The following MACROD2 variants were observed in gnomAD, a reference collection of about 807,000 sequenced individuals.
MACROD2 encodes ADP-ribose glycohydrolase MACROD2.
MACROD2 carries 36 observed loss-of-function variants against 70.4 expected under a neutral mutation model. The observed-to-expected ratio is 0.51, with a 90% CI of 0.39 to 0.68. The LOEUF (loss-of-function observed/expected upper bound fraction) is 0.68. MACROD2 is among the 30% of genes least tolerant of loss of function. MACROD2 has a pLI of 0.00. For missense variants in MACROD2, 496 were observed against 538.4 expected (o/e 0.92, Z 0.78); for synonymous variants, 172 against 178.8 (o/e 0.96, Z 0.30).
In MACROD2 at chr20:14,085,740, A is replaced by AT. The variant is rs767492324; in HGVS notation, c.271+16dup. ...TATAGTCAATGCCGGTGAGTAGTTG[A>AT]TTTTCCTGTGATGTGTTTGTTATGT... On this transcript the variant is annotated intron_variant, in intron 3 of 17. Coordinates refer to ENST00000684519, the MANE Select transcript of MACROD2 (RefSeq NM_001351661.2). The AT allele has an allele frequency of 7.0e-7, 1 of 1,426,470 alleles. No homozygotes were observed. The highest frequency in any genetic ancestry group is 1.4e-5 in the African/African-American group (1 of 69,100). The allele number at this position is 1,426,470 out of a possible 1,614,324, so 88.4% of individuals were successfully genotyped here.
intron 6 of MACROD2, among the ~76,000 whole-genome samples, chr20:15,352,670 C>A (rs1311386124): frequency 2.0e-5 from 3 of 152,056 alleles, no homozygotes; most frequent in Non-Finnish European, 4.4e-5. Flanking sequence ...GATACAAAAT[C>A]AATGTGCAAA....
intron 2 of MACROD2, among the ~76,000 whole-genome samples, chr20:14,018,730 T>G (rs900724054): frequency 2.4e-4 from 37 of 152,350 alleles, no homozygotes; most frequent in Non-Finnish European, 4.0e-4. Flanking sequence ...TAAAGATGAT[T>G]GTTTTAAAGT....
chr20:15,700,149 C>G (rs945305217), intron 8 of MACROD2, among the ~76,000 whole-genome samples: 2 of 152,148 alleles, frequency 1.3e-5, no homozygotes, highest in Non-Finnish European at 2.9e-5. Context: ...TACAGAGGGT[C>G]TGTGAGTCCT....
chr20:14,515,463 A>ACACACG (rs34190778), intron 4 of MACROD2, among the ~76,000 whole-genome samples: 13 of 138,904 alleles, frequency 9.4e-5, no homozygotes, highest in African/African-American at 3.4e-4. Flanking sequence ...ATACACACAC[A>ACACACG]CGCACACACA....
intron 6 of MACROD2, among the ~76,000 whole-genome samples, chr20:15,385,063 G>A (rs1414650054): frequency 6.6e-6 from 1 of 152,162 alleles, no homozygotes; most frequent in African/African-American, 2.4e-5. Context: ...TGAAGGTTCT[G>A]TAATCAATGG....
At chr20:15,803,788 T>C (rs1232532456) in intron 8 of MACROD2, among the ~76,000 whole-genome samples, 2 of 152,048 alleles carry the variant, frequency 1.3e-5, no homozygotes, top group African/African-American at 4.8e-5. Context: ...CTCATCAAAG[T>C]CCATTACACT....
chr20:14,988,262 G>A (rs2074867102), intron 5 of MACROD2, among the ~76,000 whole-genome samples: 1 of 145,050 alleles, frequency 6.9e-6, no homozygotes, highest in Non-Finnish European at 1.5e-5. Flanking sequence ...TACTCGGGAG[G>A]TTGAGGCAGA....
intron 5 of MACROD2, among the ~76,000 whole-genome samples, chr20:15,021,052 A>G (rs1295560429): frequency 7.0e-6 from 1 of 143,174 alleles, no homozygotes. Flanking sequence ...ATGCATACAC[A>G]TGTGCATATG....
intron 5 of MACROD2, among the ~76,000 whole-genome samples, chr20:14,939,824 T>C (rs2074374299): frequency 6.6e-6 from 1 of 152,102 alleles, no homozygotes; most frequent in Non-Finnish European, 1.5e-5. Flanking sequence ...TTCACTTCTT[T>C]GATTAAATTG....
intron 3 of MACROD2, among the ~76,000 whole-genome samples, chr20:14,383,330 G>A (rs1278246856): frequency 6.8e-6 from 1 of 147,456 alleles, no homozygotes; most frequent in South Asian, 2.1e-4. Flanking sequence ...CTTTTTTTTT[G>A]GAACTCCGTG....
At chr20:15,080,563 C>T (rs1244954559) in intron 5 of MACROD2, among the ~76,000 whole-genome samples, 2 of 152,016 alleles carry the variant, frequency 1.3e-5, no homozygotes, top group African/African-American at 2.4e-5. Context: ...GTTCTTGGAC[C>T]CTTTTTCTTC....
intron 5 of MACROD2, among the ~76,000 whole-genome samples, chr20:15,147,206 A>G (rs998765259): frequency 2.6e-5 from 4 of 152,196 alleles, no homozygotes; most frequent in Non-Finnish European, 2.9e-5. Context: ...ATTTTAATTC[A>G]TGGTACTTTT....
intron 3 of MACROD2, among the ~76,000 whole-genome samples, chr20:14,173,974 A>G (rs73259156): frequency 0.01 from 1,543 of 152,146 alleles, 30 homozygotes; most frequent in African/African-American, 0.036. Context: ...TATGTGAACC[A>G]TTTTCAGGTT....
intron 3 of MACROD2, among the ~76,000 whole-genome samples, chr20:14,120,399 T>C (rs1270192567): frequency 1.3e-5 from 2 of 151,808 alleles, no homozygotes; most frequent in African/African-American, 2.4e-5. Context: ...TGTGGAGAGA[T>C]AGGAACACTT....
At chr20:14,693,887 G>A (rs1032289232) in intron 5 of MACROD2, among the ~76,000 whole-genome samples, 8 of 152,156 alleles carry the variant, frequency 5.3e-5, no homozygotes, top group Non-Finnish European at 1.0e-4. Flanking sequence ...TGTCAGATAA[G>A]AGAGATAAAT....
intron 3 of MACROD2, among the ~76,000 whole-genome samples, chr20:14,091,319 G>C (rs6110164): frequency 6.6e-6 from 1 of 152,124 alleles, no homozygotes; most frequent in Non-Finnish European, 1.5e-5. Flanking sequence ...ATGGTTACCA[G>C]AGGCTGGAGG....
At chr20:15,301,222 T>C (rs2077639186) in intron 6 of MACROD2, among the ~76,000 whole-genome samples, 1 of 152,152 alleles carries the variant, frequency 6.6e-6, no homozygotes, top group Admixed American at 6.6e-5. Flanking sequence ...ACAGTGGAAA[T>C]GTAGGAAGAG....
At chr20:15,313,277 C>A (rs575689995) in intron 6 of MACROD2, among the ~76,000 whole-genome samples, 1 of 151,824 alleles carries the variant, frequency 6.6e-6, no homozygotes, top group African/African-American at 2.4e-5. Flanking sequence ...GAGGCCGAGG[C>A]GGGTGGATCA....
At chr20:15,866,755 T>G (rs1043745313) in intron 9 of MACROD2, among the ~76,000 whole-genome samples, 22 of 152,316 alleles carry the variant, frequency 1.4e-4, no homozygotes, top group African/African-American at 5.3e-4. Flanking sequence ...ATAAATACCT[T>G]CATGGAAACT....
Sources: allele counts gnomAD v4.1 joint callset (sites outside exome capture counted in the v4.1 genomes callset), GRCh38; gene constraint gnomAD v4.1.1; transcripts MANE v1.5; gene names NCBI Gene and HGNC (gene_info 2026-07-23, HGNC 2026-07-21).